CTNNA2: variants seen among roughly 807,000 people sequenced by gnomAD.
CTNNA2 encodes catenin alpha 2, also known as catenin alpha-2.
CTNNA2 carries 42 observed loss-of-function variants against 101.0 expected under a neutral mutation model. The observed-to-expected ratio is 0.42, with a 90% confidence interval of 0.32 to 0.54. CTNNA2 has a LOEUF of 0.54. Among genes scored for constraint, CTNNA2 ranks in the 20% least tolerant of loss-of-function variants. CTNNA2 has a pLI of 0.14. For missense variants in CTNNA2, 871 were observed against 1,223.1 expected (o/e 0.71, Z 4.29); for synonymous variants, 450 against 456.4 (o/e 0.99, Z 0.18).
At chr2:79,894,148 C>T (rs1222568846) in intron 6 of CTNNA2, among the ~76,000 whole-genome samples, 1 of 151,122 alleles carries the variant, frequency 6.6e-6, no homozygotes, top group Non-Finnish European at 1.5e-5. Context: ...GGTAATATAG[C>T]CATTGAATCC....
chr2:79,387,474 A>G (rs1291537354), intron 4 of CTNNA2, among the ~76,000 whole-genome samples: 1 of 152,236 alleles, frequency 6.6e-6, no homozygotes, highest in Admixed American at 6.5e-5. Flanking sequence ...AGCCAGAATC[A>G]AGTGCAGAGT....
At chr2:80,587,644 A>G (rs1696090826) in intron 14 of CTNNA2, among the ~76,000 whole-genome samples, 1 of 152,160 alleles carries the variant, frequency 6.6e-6, no homozygotes, top group Admixed American at 6.5e-5. Context: ...ATTAGACCTT[A>G]GTTATAGTCC....
intron 7 of CTNNA2, among the ~76,000 whole-genome samples, chr2:80,180,082 C>T (rs536842416): frequency 1.6e-4 from 25 of 152,222 alleles, no homozygotes; most frequent in Admixed American, 9.8e-4. Flanking sequence ...CAGTAGTCCC[C>T]GAAAGTTCTG....
chr2:80,413,971 A>G (rs1303176852), intron 8 of CTNNA2, among the ~76,000 whole-genome samples: 1 of 152,350 alleles, frequency 6.6e-6, no homozygotes, highest in East Asian at 1.9e-4. Flanking sequence ...GGTAGATGTT[A>G]AATGGTCAGG....
At chr2:79,742,574 A>G (rs747363128) in intron 2 of CTNNA2, among the ~76,000 whole-genome samples, 4 of 152,140 alleles carry the variant, frequency 2.6e-5, no homozygotes, top group Non-Finnish European at 4.4e-5. Context: ...TTCATGTGTT[A>G]GAGTAAATCC....
chr2:79,443,728 A>T (rs1678800476), intron 4 of CTNNA2, among the ~76,000 whole-genome samples: 1 of 152,024 alleles, frequency 6.6e-6, no homozygotes, highest in Admixed American at 6.6e-5. Flanking sequence ...GCTATTTAAA[A>T]CCTAAACATG....
chr2:79,228,464 A>G (rs898690063), intron 2 of CTNNA2, among the ~76,000 whole-genome samples: 9 of 151,994 alleles, frequency 5.9e-5, no homozygotes, highest in Non-Finnish European at 1.0e-4. Flanking sequence ...GTAAGATGCT[A>G]TTTCATTGTG....
intron 1 of CTNNA2, among the ~76,000 whole-genome samples, chr2:79,607,220 A>G (rs935927044): frequency 6.6e-6 from 1 of 152,210 alleles, no homozygotes; most frequent in African/African-American, 2.4e-5. Context: ...TCAGAAGAAC[A>G]TTTTACATAT....
intron 2 of CTNNA2, among the ~76,000 whole-genome samples, chr2:79,285,211 G>A (rs1460660724): frequency 2.0e-5 from 3 of 150,992 alleles, no homozygotes; most frequent in Non-Finnish European, 4.4e-5. Context: ...CCAGCTCCTG[G>A]ATTCATTAAT....
chr2:80,336,949 T>C (rs1671807254), intron 7 of CTNNA2, among the ~76,000 whole-genome samples: 1 of 152,154 alleles, frequency 6.6e-6, no homozygotes, highest in African/African-American at 2.4e-5. Context: ...AAATTGAGCA[T>C]TGTTCCCAGC....
chr2:80,590,572 A>G (rs1220754688), intron 15 of CTNNA2, among the ~76,000 whole-genome samples: 1 of 152,156 alleles, frequency 6.6e-6, no homozygotes, highest in Admixed American at 6.6e-5. Flanking sequence ...TGGTTGTTGA[A>G]TGCTTCTAAT....
intron 1 of CTNNA2, among the ~76,000 whole-genome samples, chr2:79,607,185 A>C (rs1677949624): frequency 6.6e-6 from 1 of 152,256 alleles, no homozygotes; most frequent in Non-Finnish European, 1.5e-5. Context: ...GGGATAAAGA[A>C]GTTCATTTCA....
At chr2:80,216,894 G>A (rs1364161257) in intron 7 of CTNNA2, among the ~76,000 whole-genome samples, 1 of 146,290 alleles carries the variant, frequency 6.8e-6, no homozygotes, top group Non-Finnish European at 1.5e-5. Context: ...CTGTAGTGCA[G>A]TACCACAACC....
chr2:79,914,776 C>A (rs915704820), intron 7 of CTNNA2, among the ~76,000 whole-genome samples: 2 of 151,310 alleles, frequency 1.3e-5, no homozygotes, highest in East Asian at 3.9e-4. Context: ...AATTTTGGAT[C>A]CAACTTTTTT....
rs1250699829 is a variant in CTNNA2, at chr2:80,545,968, T to C, written c.1445T>C (p.Met482Thr). 1.9e-6 allele frequency: 3 copies of C among 1,614,026 alleles called. No individual in the cohort carries two copies. The highest frequency in any genetic ancestry group is 2.5e-6 in the Non-Finnish European group (3 of 1,180,022). Residue 482 changes from methionine (M) to threonine (T), a missense_variant, in exon 11 of 19, where the codon ATG becomes ACG. Physicochemically the swap from Met to Thr is moderately conservative, Grantham distance 81. Transcript: ENST00000402739. Reference protein sequence around the residue: ...RPQSKVAQDNMDVFKDQWEKQ... With the variant: ...RPQSKVAQDNTDVFKDQWEKQ... The stretch of plus-strand genomic sequence containing the variant: ...CAGAGCAAAGTTGCTCAGGATAACA[T>C]GGACGTCTTCAAAGACCAGTGGGAG...
intron 3 of CTNNA2, among the ~76,000 whole-genome samples, chr2:79,758,108 T>C (rs890182397): frequency 2.6e-5 from 4 of 152,204 alleles, no homozygotes; most frequent in African/African-American, 7.2e-5. Flanking sequence ...TGTAATTCAC[T>C]TTGTTTTAAG....
At chr2:79,899,230 C>T (rs1364027512) in intron 6 of CTNNA2, among the ~76,000 whole-genome samples, 1 of 152,088 alleles carries the variant, frequency 6.6e-6, no homozygotes, top group Admixed American at 6.5e-5. Context: ...CTCTAAAAAT[C>T]TGATTTGATT....
chr2:80,324,079 C>A (rs956737684), intron 7 of CTNNA2, among the ~76,000 whole-genome samples: 1 of 152,188 alleles, frequency 6.6e-6, no homozygotes, highest in Non-Finnish European at 1.5e-5. Flanking sequence ...AATCCTCCCC[C>A]TACCCCCCAT....
rs1214700987 is a variant in CTNNA2, at chr2:79,936,642, AACC to A, written c.1056+26847_1056+26849del. Among the ~76,000 whole-genome samples, 10 of 152,182 alleles carry A rather than the reference AACC, an allele frequency of 6.6e-5. No homozygotes were observed. The East Asian group carries it at 1.9e-3, about 29-fold the overall frequency. On this transcript the variant is annotated intron_variant, in intron 7 of 18. Coordinates refer to ENST00000402739, the MANE Select transcript of CTNNA2 (RefSeq NM_001282597.3). Reference sequence around the variant, plus strand: ...GCTTCTTTCTTTTGGATACTGGCATAACCATTTTCCTTACCTTAAGCCATCGTT... The same window carrying A: ...GCTTCTTTCTTTTGGATACTGGCATAATTTTCCTTACCTTAAGCCATCGTT...
Sources: allele counts gnomAD v4.1 joint callset (sites outside exome capture counted in the v4.1 genomes callset), GRCh38; gene constraint gnomAD v4.1.1; transcripts MANE v1.5; gene names NCBI Gene and HGNC (gene_info 2026-07-23, HGNC 2026-07-21).